GUCY2D: variants seen among roughly 807,000 people sequenced by gnomAD.
GUCY2D encodes retinal guanylyl cyclase 1.
GUCY2D carries 70 observed loss-of-function variants against 101.3 expected under a neutral mutation model. The observed-to-expected ratio is 0.69, with a 90% confidence interval of 0.57 to 0.84. The LOEUF is 0.84. Among genes scored for constraint, GUCY2D ranks in the 40% least tolerant of loss-of-function variants. The pLI, the probability that GUCY2D is intolerant of heterozygous loss-of-function variation, is 0.00. For missense variants in GUCY2D, 1,460 were observed against 1,542.5 expected, an observed-to-expected ratio of 0.95 and a Z score of 0.90; for synonymous variants, 688 against 670.7, an observed-to-expected ratio of 1.03 and a Z score of -0.40.
At position 8,012,477 on chromosome 17, in the gene GUCY2D, G is replaced by A. The variant is rs143585840; in HGVS notation, c.1984G>A (p.Val662Met). The A allele has an allele frequency of 1.8e-4, 285 of 1,614,112 alleles. No individual in the cohort carries two copies. Among genetic ancestry groups the A allele is most frequent in the Admixed American group, 6.7e-4 (40 of 60,032 alleles). ...KGIRYLHHRG[V>M]AHGRLKSRNC... ...AATAAGGTATCTGCACCATCGAGGC[G>A]TGGCTCATGGGCGGCTGAAGTCACG... Residue 662 changes from valine (V) to methionine (M), a missense_variant, in exon 10 of 20, where the codon GTG (valine) becomes ATG (methionine). By Grantham distance (21) the Val-to-Met change is conservative. Around this residue, in one of 3 missense-constraint regions of GUCY2D, gnomAD observed 1,196 missense variants for 1,229.6 expected, o/e 0.97. Transcript: ENST00000254854.
intron 2 of GUCY2D, 22 bp downstream of exon 2, chr17:8,003,790 G>C: frequency 6.2e-7 from 1 of 1,601,126 alleles, no homozygotes; most frequent in Non-Finnish European, 8.5e-7. Context: ...TGCAGGGTGC[G>C]AGGAGGTCGG....
chr17:8,015,167 C>A, intron 14 of GUCY2D, 116 bp downstream of exon 14: 2 of 1,098,726 alleles, frequency 1.8e-6, no homozygotes, highest in Non-Finnish European at 2.7e-6. Context: ...CTTTCCCAGA[C>A]CTCCTGTCCC....
In GUCY2D at chr17:8,011,453, TA is replaced by T. The variant is rs1357976421; in HGVS notation, c.1750-688del. Among the ~76,000 whole-genome samples, 3 of 152,152 alleles carry T rather than the reference TA, an allele frequency of 2.0e-5. No homozygotes were observed. Among genetic ancestry groups the T allele is most frequent in the African/African-American group, 7.2e-5 (3 of 41,428 alleles). ...CCCTGGCTCTCCCAGCAAAGGCTGT[TA>T]AATCAGGAGAGGATGGTGGTTCCAG... On this transcript the variant is annotated intron_variant, in intron 8 of 19. Coordinates refer to ENST00000254854, the MANE Select transcript of GUCY2D (RefSeq NM_000180.4). The surrounding 1 kb of genome is among the most constrained non-coding windows in gnomAD (Gnocchi z 4.3).
At position 8,014,859 on chromosome 17, in the gene GUCY2D, G is replaced by T. The variant is rs112372281; in HGVS notation, c.2577G>T (p.Pro859=). The T allele has an allele frequency of 3.8e-3, 6,158 of 1,614,102 alleles. 141 individuals are homozygous for T. The South Asian group carries it at 0.043, about 11-fold the overall frequency. Residue 859 remains proline (P), a splice_region_variant and synonymous_variant, in exon 14 of 20, where the codon CCG becomes CCT. Transcript: ENST00000254854. This position sits in a 1 kb window ranked among gnomAD's most constrained non-coding sequence, Gnocchi z 4.0. ...TGACCTCACTGCCTGCCATCCCTAG[G>T]TCTGTGGCTGAGGCCTTGAAGACGG... ...TDRLLTQMLP[P]SVAEALKTGT...
chr17:8,016,902 A>C, intron 19 of GUCY2D: 8 of 195,428 alleles, frequency 4.1e-5, no homozygotes, highest in Non-Finnish European at 5.3e-5. Context: ...CCAGAGAACA[A>C]TGTGAAAGCA....
At chr17:8,017,761 C>T (rs1209541611) in intron 19 of GUCY2D, among the ~76,000 whole-genome samples, 1 of 152,158 alleles carries the variant, frequency 6.6e-6, no homozygotes, top group East Asian at 1.9e-4. Context: ...GACACAATCT[C>T]GACTCATTGC....
At chr17:8,006,799 T>C (rs1975753539) in intron 4 of GUCY2D, 85 bp downstream of exon 4, 2 of 1,218,582 alleles carry the variant, frequency 1.6e-6, no homozygotes, top group African/African-American at 1.5e-5. Flanking sequence ...TCCTATCCTG[T>C]AATCCGTCTT....
At chr17:8,008,283 C>G (rs552923753) in intron 7 of GUCY2D, among the ~76,000 whole-genome samples, 14 of 152,278 alleles carry the variant, frequency 9.2e-5, no homozygotes, top group African/African-American at 3.4e-4. Flanking sequence ...CAAAAGCTAA[C>G]CACAGTGACC....
In GUCY2D at chr17:8,003,223, T is replaced by C; in HGVS notation, c.176T>C (p.Leu59Pro). The C allele has an allele frequency of 6.6e-7, 1 of 1,518,724 alleles. No homozygotes were observed. The highest frequency in any genetic ancestry group is 8.8e-7 in the Non-Finnish European group (1 of 1,138,422). 94.1% of individuals were successfully genotyped at this position (1,518,724 alleles called of 1,614,324 possible). A position where few individuals can be genotyped will look rare whatever the true frequency, so the allele number is the denominator to read the frequency against. The change falls in exon 2 of 20, where the codon CTG becomes CCG. Residue 59 changes from leucine to proline, a missense_variant. Coordinates refer to ENST00000254854, the MANE Select transcript of GUCY2D (RefSeq NM_000180.4). ...TCCGCCGTGTTCACGGTGGGGGTCC[T>C]GGGCCCCTGGGCTTGCGACCCCATC... Reference protein sequence around the residue: ...ALSAVFTVGVLGPWACDPIFS... With the variant: ...ALSAVFTVGVPGPWACDPIFS...
chr17:8,009,617 T>A, intron 8 of GUCY2D, 31 bp downstream of exon 8: 2 of 1,431,242 alleles, frequency 1.4e-6, no homozygotes, highest in Non-Finnish European at 2.0e-6. Context: ...GGGGCCTAGG[T>A]GGCCATCGGT....
Position 8,007,041 on chromosome 17 carries a change from C to G in GUCY2D, c.1379-19C>G. ...CCTGGCATCGCTCCTCAGTATACCT[C>G]CTGTCACTGTCCCTTCAGGACTGGA... On this transcript the variant is annotated intron_variant, in intron 4 of 19. Coordinates refer to ENST00000254854, the MANE Select transcript of GUCY2D (RefSeq NM_000180.4). 6 of 1,602,848 alleles carry G rather than the reference C, an allele frequency of 3.7e-6. No homozygotes were observed. The highest frequency in any genetic ancestry group is 5.1e-6 in the Non-Finnish European group (6 of 1,169,760).
chr17:8,008,028 A>C lies in GUCY2D; in HGVS notation c.1664A>C (p.Tyr555Ser). The C allele has an allele frequency of 6.2e-7, 1 of 1,600,742 alleles. No individual in the cohort carries two copies. Among genetic ancestry groups the C allele is most frequent in the Non-Finnish European group, 8.6e-7 (1 of 1,168,148 alleles). Reference sequence around the variant, plus strand: ...TTGGACAGCCCCAACATTGGTGTCTATGAGGTGAGCCTGACCCCAGCCAGA... The same window carrying C: ...TTGGACAGCCCCAACATTGGTGTCTCTGAGGTGAGCCTGACCCCAGCCAGA... Reference protein sequence around the residue: ...QHLDSPNIGVYEGDRVWLKKF... With the variant: ...QHLDSPNIGVSEGDRVWLKKF... Residue 555 changes from tyrosine to serine, a missense_variant, in exon 7 of 20, where the codon TAT (tyrosine) becomes TCT (serine). Coordinates refer to ENST00000254854, the MANE Select transcript of GUCY2D (RefSeq NM_000180.4).
chr17:8,008,591 T>C (rs576719987), intron 7 of GUCY2D, among the ~76,000 whole-genome samples: 1 of 152,162 alleles, frequency 6.6e-6, no homozygotes, highest in Admixed American at 6.5e-5. Context: ...GAGTAGAAAT[T>C]TAGAGCTCCT....
chr17:8,009,795 A>G (rs1324981152), intron 8 of GUCY2D, among the ~76,000 whole-genome samples: 1 of 152,004 alleles, frequency 6.6e-6, no homozygotes, highest in Admixed American at 6.6e-5. Context: ...TGGGCAACAT[A>G]AAGAAACCCT....
In GUCY2D at chr17:8,003,630, G is replaced by A. The variant is rs1372337848; in HGVS notation, c.583G>A (p.Val195Met). 6.3e-7 allele frequency: 1 copy of A among 1,593,188 alleles called. No individual in the cohort carries two copies. The highest frequency in any genetic ancestry group is 8.5e-7 in the Non-Finnish European group (1 of 1,176,572). ...ALVTAPQDLW[V>M]EAGRSLSTAL... is the part of the protein sequence containing the mutation. Reference sequence around the variant, plus strand: ...GGTCACCGCCCCCCAGGACCTGTGGGTGGAGGCGGGACGCTCACTGTCCAC... The same window carrying A: ...GGTCACCGCCCCCCAGGACCTGTGGATGGAGGCGGGACGCTCACTGTCCAC... The change falls in exon 2 of 20, where the codon GTG becomes ATG. Residue 195 changes from valine (V) to methionine (M), a missense_variant. Physicochemically the swap from Val to Met is conservative, Grantham distance 21 (BLOSUM62 1). Around this residue, in one of 3 missense-constraint regions of GUCY2D, gnomAD observed 1,196 missense variants for 1,229.6 expected, o/e 0.97. Coordinates refer to ENST00000254854, the MANE Select transcript of GUCY2D (RefSeq NM_000180.4).
At chr17:8,019,190 G>A (rs868056379) in intron 19 of GUCY2D, among the ~76,000 whole-genome samples, 10 of 152,258 alleles carry the variant, frequency 6.6e-5, no homozygotes, top group Admixed American at 3.3e-4. Flanking sequence ...TGACTGTGTG[G>A]ATAGAGCTCT....
At position 8,007,510 on chromosome 17, in the gene GUCY2D, T is replaced by G; in HGVS notation, c.1548T>G (p.His516Gln). The G allele has an allele frequency of 6.2e-7, 1 of 1,603,960 alleles. No homozygotes were observed. The highest frequency in any genetic ancestry group is 1.7e-5 in the Admixed American group (1 of 60,024). Reference protein sequence around the residue: ...TVDDITFLHPHGGTSRKVAQG... With the variant: ...TVDDITFLHPQGGTSRKVAQG... ...ACGACATCACCTTTCTCCACCCACA[T>G]GGGGGCACCTCTCGAAAGGTGGGGG... Residue 516 changes from histidine (H) to glutamine (Q), a missense_variant, in exon 6 of 20, where the codon CAT (histidine) becomes CAG (glutamine). This residue lies in a region of GUCY2D where 1,196 missense variants were observed against 1,229.6 expected (regional missense o/e 0.97). Transcript: ENST00000254854.
In GUCY2D at chr17:8,006,409, C is replaced by T. The variant is rs1489401308; in HGVS notation, c.1073C>T (p.Ala358Val). 3 of 1,602,116 alleles carry T rather than the reference C, an allele frequency of 1.9e-6. No homozygotes were observed. Among genetic ancestry groups the T allele is most frequent in the African/African-American group, 1.3e-5 (1 of 74,936 alleles). ...ATCTATGACGCGGTCTTCTTGCTGG[C>T]AAGGGGCGTGGCAGAAGCGCGGGCT... ...GTIYDAVFLLARGVAEARAAA... is the reference protein window; with the variant it reads ...GTIYDAVFLLVRGVAEARAAA... Residue 358 changes from alanine to valine, a missense_variant, in exon 4 of 20, where the codon GCA (alanine) becomes GTA (valine). Physicochemically the swap from Ala to Val is moderately conservative, Grantham distance 64. Transcript: ENST00000254854.
intron 19 of GUCY2D, among the ~76,000 whole-genome samples, chr17:8,019,484 G>C (rs949396972): frequency 4.6e-5 from 7 of 152,176 alleles, no homozygotes; most frequent in Admixed American, 3.9e-4. Flanking sequence ...TCCTTCCCAG[G>C]CTGGCCTCAA....
Sources: allele counts gnomAD v4.1 joint callset (sites outside exome capture counted in the v4.1 genomes callset), GRCh38; gene constraint gnomAD v4.1.1; regional missense constraint gnomAD v4.1.1; non-coding constraint Gnocchi (gnomAD v3.1); transcripts MANE v1.5; gene names NCBI Gene and HGNC (gene_info 2026-07-23, HGNC 2026-07-21).